The following CACNA2D1 variants were observed in gnomAD, a reference collection of about 807,000 sequenced individuals.
The protein encoded by CACNA2D1 is voltage-dependent calcium channel subunit alpha-2/delta-1.
A neutral mutation model predicts 171.5 loss-of-function variants in CACNA2D1; 53 were observed. That is an observed-to-expected ratio of 0.31 (90% CI 0.25 to 0.39). The LOEUF (loss-of-function observed/expected upper bound fraction) is 0.39, where lower values mean the gene tolerates loss of function less well. Among genes scored for constraint, CACNA2D1 ranks in the 10% least tolerant of loss-of-function variants. The pLI is 1.00. For synonymous variants in CACNA2D1, 442 were observed against 443.1 expected (o/e 1.00, Z 0.03); for missense variants, 903 against 1,299.8 (o/e 0.69, Z 4.69).
intron 3 of CACNA2D1, among the ~76,000 whole-genome samples, chr7:82,212,903 CT>C (rs879282472): frequency 2.0e-3 from 281 of 143,856 alleles, no homozygotes; most frequent in Middle Eastern, 3.6e-3. Flanking sequence ...TATCCTAGTT[CT>C]TTTTTTTTTT....
chr7:82,274,826 T>C lies in CACNA2D1; in HGVS notation c.294+60309A>G, dbSNP rs375916558. Among the ~76,000 whole-genome samples, 39 of 151,006 alleles carry C rather than the reference T, an allele frequency of 2.6e-4. 1 individual carries two copies. The highest frequency in any genetic ancestry group is 1.0e-3 in the Admixed American group (15 of 15,040). On this transcript the variant is annotated intron_variant, in intron 3 of 38. Transcript: ENST00000356860. ...TGCCTGACATACATTAAGCACCCAA[T>C]AGATAAATATGTGTTCAATACAGGT...
In CACNA2D1 at chr7:82,090,892, A is replaced by G. The variant is rs918830833; in HGVS notation, c.527-5992T>C. Among the ~76,000 whole-genome samples, 25 of 152,276 alleles carry G rather than the reference A, an allele frequency of 1.6e-4. No individual in the cohort carries two copies. The East Asian group carries it at 4.6e-3, about 28-fold the overall frequency. ...TTGTGGCAAACGTTCATTTCACAAC[A>G]TATAAATAAGGTAGTCATTTATATG... On this transcript the variant is annotated intron_variant, in intron 6 of 38. Coordinates refer to ENST00000356860, the MANE Select transcript of CACNA2D1 (RefSeq NM_000722.4).
chr7:81,960,411 T>G (rs1423209096), intron 36 of CACNA2D1, among the ~76,000 whole-genome samples: 2 of 152,012 alleles, frequency 1.3e-5, no homozygotes, highest in African/African-American at 4.8e-5. Context: ...TAACTGTAAT[T>G]GAAATTTCAA....
intron 3 of CACNA2D1, among the ~76,000 whole-genome samples, chr7:82,171,443 G>A (rs7794845): frequency 0.064 from 9,746 of 151,958 alleles, 656 homozygotes; most frequent in African/African-American, 0.17. Context: ...CAGAGTTGGG[G>A]ACCCGACTGC....
At chr7:82,431,122 C>G (rs898299707) in intron 1 of CACNA2D1, among the ~76,000 whole-genome samples, 1 of 152,176 alleles carries the variant, frequency 6.6e-6, no homozygotes, top group African/African-American at 2.4e-5. Flanking sequence ...TTACACTCCA[C>G]CGCATCTCTT....
At chr7:82,171,482 T>C (rs1796013426) in intron 3 of CACNA2D1, among the ~76,000 whole-genome samples, 1 of 152,068 alleles carries the variant, frequency 6.6e-6, no homozygotes, top group Non-Finnish European at 1.5e-5. Flanking sequence ...CCTTGCAAAC[T>C]ACTAGCTGTG....
chr7:81,999,574 G>A (rs1798381384), intron 18 of CACNA2D1, among the ~76,000 whole-genome samples: 1 of 151,972 alleles, frequency 6.6e-6, no homozygotes, highest in South Asian at 2.1e-4. Context: ...AGTCTTGTGT[G>A]GTTGCTAGTT....
Position 82,000,811 on chromosome 7 carries a change from T to C in CACNA2D1, c.1591-3561A>G, listed in dbSNP as rs867722026. The stretch of plus-strand genomic sequence containing the variant: ...TTTTTTTTTTTTTTTTTTTTTTTTT[T>C]GTAGAGGCAGGGTTTCACTATGTTG... On this transcript the variant is annotated intron_variant, in intron 18 of 38. Coordinates refer to ENST00000356860, the MANE Select transcript of CACNA2D1 (RefSeq NM_000722.4). Among the ~76,000 whole-genome samples the C allele has an allele frequency of 3.3e-3, 296 of 88,854 alleles. 2 individuals carry two copies. The highest frequency in any genetic ancestry group is 0.015 in the African/African-American group (278 of 17,976). 58.3% of individuals were successfully genotyped at this position (88,854 alleles called of 152,430 possible). A position where few individuals can be genotyped will look rare whatever the true frequency, so the allele number is the denominator to read the frequency against.
Position 81,959,366 on chromosome 7 carries a change from G to A in CACNA2D1, c.3077-9C>T, listed in dbSNP as rs2130173741. 3 of 1,581,748 alleles carry A rather than the reference G, an allele frequency of 1.9e-6. No homozygotes were observed. Among genetic ancestry groups the A allele is most frequent in the Non-Finnish European group, 2.6e-6 (3 of 1,150,612 alleles). On this transcript the variant is annotated splice_polypyrimidine_tract_variant and intron_variant, in intron 37 of 38. Coordinates refer to ENST00000356860, the MANE Select transcript of CACNA2D1 (RefSeq NM_000722.4). ...AGGATTTGGACCGTCAGCTAAAAGA[G>A]ACTTGTTAAGGAATCTCATGTTAGT...
chr7:81,961,903 T>C lies in CACNA2D1; in HGVS notation c.2957A>G (p.Asn986Ser). ...KSFSGVLDCGNCSRIFHGEKL... is the reference protein window; with the variant it reads ...KSFSGVLDCGSCSRIFHGEKL... ...GAAATAAATAAATTACCTGGAACAG[T>C]TTCCACAGTCTAATACACCACTGAA... Residue 986 changes from asparagine (N) to serine (S), a missense_variant, in exon 36 of 39, where the codon AAC becomes AGC. Physicochemically the swap from Asn to Ser is conservative, Grantham distance 46. This residue lies in a region of CACNA2D1 where 623 missense variants were observed against 925.5 expected (regional missense o/e 0.67). Transcript: ENST00000356860. 6.2e-7 allele frequency: 1 copy of C among 1,608,764 alleles called. No homozygotes were observed. Among genetic ancestry groups the C allele is most frequent in the Non-Finnish European group, 8.5e-7 (1 of 1,175,680 alleles).
intron 36 of CACNA2D1, 115 bp downstream of exon 36, chr7:81,961,779 A>T: frequency 1.1e-6 from 1 of 924,450 alleles, no homozygotes; most frequent in Non-Finnish European, 1.7e-6. Flanking sequence ...TGACTCCAAC[A>T]CAATTTTCAG....
chr7:82,419,545 T>C (rs1828522291), intron 1 of CACNA2D1, among the ~76,000 whole-genome samples: 1 of 152,184 alleles, frequency 6.6e-6, no homozygotes, highest in Non-Finnish European at 1.5e-5. Flanking sequence ...ACAAGGGAAA[T>C]TTACCCCTGG....
Position 81,962,432 on chromosome 7 carries a change from T to G in CACNA2D1, c.2836+8A>C, listed in dbSNP as rs1794249252. 6.2e-7 allele frequency: 1 copy of G among 1,600,496 alleles called. No individual in the cohort carries two copies. The highest frequency in any genetic ancestry group is 1.3e-5 in the African/African-American group (1 of 74,656). Reference sequence around the variant, plus strand: ...TATGGCAATGACAAGGTCTGAGCATTTACATACCTGCCTCAAGGAGTCGTG... The same window carrying G: ...TATGGCAATGACAAGGTCTGAGCATGTACATACCTGCCTCAAGGAGTCGTG... On this transcript the variant is annotated splice_region_variant and intron_variant, in intron 35 of 38. Transcript: ENST00000356860.
intron 6 of CACNA2D1, among the ~76,000 whole-genome samples, chr7:82,115,546 T>G (rs1012285792): frequency 2.0e-5 from 3 of 151,894 alleles, no homozygotes; most frequent in Non-Finnish European, 4.4e-5. Flanking sequence ...CACATATATA[T>G]ACACATACAA....
At chr7:82,443,840 G>A (rs1011211850), upstream of CACNA2D1, 26 of 589,744 alleles carry the variant, frequency 4.4e-5, no homozygotes, top group African/African-American at 4.8e-4. Context: ...GGAGGCGGGG[G>A]CGGGGGCGGA....
rs1213019512 is a variant in CACNA2D1, at chr7:82,271,799, T to A, written c.294+63336A>T. Among the ~76,000 whole-genome samples, 2 of 152,118 alleles carry A rather than the reference T, an allele frequency of 1.3e-5. 1 individual carries two copies. Among genetic ancestry groups the A allele is most frequent in the Admixed American group, 1.3e-4 (2 of 15,248 alleles). ...TGGAAAACTCTAATAATCATTTTCC[T>A]CTTTCCTGAATCGATTTCAACTTTT... On this transcript the variant is annotated intron_variant, in intron 3 of 38. Coordinates refer to ENST00000356860, the MANE Select transcript of CACNA2D1 (RefSeq NM_000722.4).
intron 1 of CACNA2D1, among the ~76,000 whole-genome samples, chr7:82,372,800 T>C (rs4732444): frequency 0.62 from 94,863 of 151,890 alleles, 30,221 homozygotes; most frequent in Middle Eastern, 0.74. Context: ...TAAGTATTAC[T>C]ATGTGTAGAA....
chr7:82,088,076 G>C (rs1344588194), intron 6 of CACNA2D1, among the ~76,000 whole-genome samples: 1 of 151,912 alleles, frequency 6.6e-6, no homozygotes, highest in Non-Finnish European at 1.5e-5. Context: ...GTTTATTTAG[G>C]AAGTTTTTTT....
At chr7:82,391,572 C>G (rs946788757) in intron 1 of CACNA2D1, among the ~76,000 whole-genome samples, 2 of 152,094 alleles carry the variant, frequency 1.3e-5, no homozygotes, top group African/African-American at 4.8e-5. Context: ...TAATAAATAC[C>G]TTAAATGTTT....
Sources: gnomAD v4.1 joint callset for allele counts (sites outside exome capture counted in the v4.1 genomes callset) on GRCh38, gnomAD v4.1.1 for gene constraint, gnomAD v4.1.1 regional missense constraint, MANE v1.5 for transcripts, NCBI Gene and HGNC (gene_info 2026-07-23, HGNC 2026-07-21) for gene names.